Variants in IRX2 observed in about 807,000 individuals in gnomAD.
The protein encoded by IRX2 is iroquois homeobox 2.
IRX2 carries 26 observed loss-of-function variants against 42.9 expected under a neutral mutation model. That is an observed-to-expected ratio of 0.61 (90% CI 0.44 to 0.84). The LOEUF is 0.84. Among genes scored for constraint, IRX2 ranks in the 40% least tolerant of loss-of-function variants. The probability of loss-of-function intolerance (pLI) is 0.00; values close to 1 mark genes in which losing one functional copy is unlikely to be tolerated. For missense variants in IRX2, 782 were observed against 713.9 expected (o/e 1.10, Z -1.09); for synonymous variants, 424 against 353.9 (o/e 1.20, Z -2.22).
chr5:2,749,700 T>C lies in IRX2; in HGVS notation c.337A>G (p.Asn113Asp), dbSNP rs777655295. 2 of 1,614,102 alleles carry C rather than the reference T, an allele frequency of 1.2e-6. No individual in the cohort carries two copies. Among genetic ancestry groups the C allele is most frequent in the Non-Finnish European group, 1.7e-6 (2 of 1,180,002 alleles). Residue 113 changes from asparagine to aspartate, a missense_variant, in exon 2 of 4, where the codon AAC (asparagine) becomes GAC (aspartate). Coordinates refer to ENST00000302057, the MANE Select transcript of IRX2 (RefSeq NM_033267.5). ...GCGTTCTTGCGGTACGCGGGGTCGT[T>C]GAGCTGGTACGGGTAGGCCGCGCTG... ...YGSAAYPYQL[N>D]DPAYRKNATR... is the part of the protein sequence containing the mutation.
chr5:2,739,917 G>A, the IRX2 span, among the ~76,000 whole-genome samples: 2 of 152,152 alleles, frequency 1.3e-5, no homozygotes, highest in Non-Finnish European at 2.9e-5. Context: ...CGGGGTATAG[G>A]GTAGGACCAG....
At chr5:2,739,774 G>A in the IRX2 span, among the ~76,000 whole-genome samples, 12 of 152,326 alleles carry the variant, frequency 7.9e-5, no homozygotes, top group African/African-American at 2.4e-4. Flanking sequence ...GCCAGGGAGC[G>A]AGGCGAGCAC....
At chr5:2,741,903 A>C (rs1055299), downstream of IRX2, among the ~76,000 whole-genome samples, 112,392 of 152,194 alleles carry the variant, frequency 0.74, 42,362 homozygotes, top group South Asian at 0.82. Context: ...AAACAAACAA[A>C]AAAAATTCTT....
At chr5:2,741,972 T>C (rs1484867136), downstream of IRX2, among the ~76,000 whole-genome samples, 1 of 152,272 alleles carries the variant, frequency 6.6e-6, no homozygotes, top group Non-Finnish European at 1.5e-5. Flanking sequence ...CCTTTCTTCA[T>C]TGTATTAGCA....
the IRX2 span, chr5:2,737,033 T>C: frequency 6.6e-6 from 1 of 152,106 alleles, no homozygotes; most frequent in Non-Finnish European, 1.5e-5. Context: ...CCATCTCCGG[T>C]GGATAGATGG....
chr5:2,748,817 G>T lies in IRX2; in HGVS notation c.891C>A (p.Ser297Arg), dbSNP rs764393112. 8 of 1,508,608 alleles carry T rather than the reference G, an allele frequency of 5.3e-6. No homozygotes were observed. The highest frequency in any genetic ancestry group is 7.0e-6 in the Non-Finnish European group (8 of 1,137,956). 93.5% of individuals were successfully genotyped at this position (1,508,608 alleles called of 1,614,324 possible). Residue 297 changes from serine (S) to arginine (R), a missense_variant, in exon 3 of 4, where the codon AGC becomes AGA. Around this residue, in one of 3 missense-constraint regions of IRX2, gnomAD observed 520 missense variants for 437.8 expected, o/e 1.19. Transcript: ENST00000302057. ...PLTGLEAPLL[S>R]PPPEAAPRGG... ...CGCGGGGCGCGGCCTCGGGCGGGGG[G>T]CTCAGCAGCGGCGCCTCCAAGCCGG...
chr5:2,745,182 T>C (rs887028265), downstream of IRX2, among the ~76,000 whole-genome samples: 1 of 151,984 alleles, frequency 6.6e-6, no homozygotes, highest in African/African-American at 2.4e-5. Context: ...ATCCCAGACC[T>C]CCCCCGCTGG....
chr5:2,740,290 C>T, the IRX2 span, among the ~76,000 whole-genome samples: 1 of 151,720 alleles, frequency 6.6e-6, no homozygotes, highest in African/African-American at 2.4e-5. Flanking sequence ...GGCTCCCAGC[C>T]ACCACCTTGG....
At chr5:2,749,273 C>A (rs1737830376) in intron 2 of IRX2, 109 bp downstream of exon 2, 4 of 1,473,660 alleles carry the variant, frequency 2.7e-6, no homozygotes, top group Non-Finnish European at 3.6e-6. Context: ...GGCTGGGGCT[C>A]CGGCCCGGAC....
chr5:2,747,658 C>A (rs888996906), intron 3 of IRX2, 42 bp from the exon 4 acceptor site: 3 of 1,603,726 alleles, frequency 1.9e-6, no homozygotes, highest in Admixed American at 3.3e-5. Flanking sequence ...GACCCCACAG[C>A]CTGCTGGCTG....
At chr5:2,742,126 T>C (rs191411076), downstream of IRX2, among the ~76,000 whole-genome samples, 1 of 152,338 alleles carries the variant, frequency 6.6e-6, no homozygotes, top group South Asian at 2.1e-4. Flanking sequence ...CACATCCATC[T>C]GTTTCTAGGG....
At position 2,748,897 on chromosome 5, in the gene IRX2, C is replaced by T. The variant is rs111614286; in HGVS notation, c.811G>A (p.Glu271Lys). 1 of 1,595,986 alleles carries T rather than the reference C, an allele frequency of 6.3e-7. No individual in the cohort carries two copies. Among genetic ancestry groups the T allele is most frequent in the South Asian group, 1.1e-5 (1 of 90,576 alleles). The change falls in exon 3 of 4, where the codon GAG (glutamate) becomes AAG (lysine). Residue 271 changes from glutamate (E) to lysine (K), a missense_variant. Physicochemically the swap from Glu to Lys is moderately conservative, Grantham distance 56. Coordinates refer to ENST00000302057, the MANE Select transcript of IRX2 (RefSeq NM_033267.5). ...DDLEDDEDDD[E>K]EGERGLAPPK... ...GGCGCCAGGCCCCGCTCGCCCTCCTCGTCGTCGTCCTCGTCGTCCTCCAGG... is the reference window on the plus strand; with the variant it reads ...GGCGCCAGGCCCCGCTCGCCCTCCTTGTCGTCGTCCTCGTCGTCCTCCAGG...
intron 2 of IRX2, 29 bp from the exon 3 acceptor site, chr5:2,749,081 AC>A (rs1430166045): frequency 6.3e-7 from 1 of 1,589,512 alleles, no homozygotes; most frequent in Non-Finnish European, 8.5e-7. Context: ...GGTGGGTGGC[AC>A]GAGGGGACAG....
chr5:2,749,008 C>A lies in IRX2; in HGVS notation c.700G>T (p.Ala234Ser). 6.3e-7 allele frequency: 1 copy of A among 1,597,274 alleles called. No homozygotes were observed. Among genetic ancestry groups the A allele is most frequent in the Non-Finnish European group, 8.5e-7 (1 of 1,179,354 alleles). ...GGAAGCTTCTCCCCGTCCGACTCGG[C>A]CGAGCACGAGTGATCCGTGAGCGAG... ...VDSLTDHSCS[A>S]ESDGEKLPCR... The change falls in exon 3 of 4, where the codon GCC (alanine) becomes TCC (serine). Residue 234 changes from alanine (A) to serine (S), a missense_variant. Physicochemically the swap from Ala to Ser is moderately conservative, Grantham distance 99. This residue lies in a region of IRX2 where 520 missense variants were observed against 437.8 expected (regional missense o/e 1.19). Coordinates refer to ENST00000302057, the MANE Select transcript of IRX2 (RefSeq NM_033267.5).
intron 3 of IRX2, 88 bp downstream of exon 3, chr5:2,748,257 G>A: frequency 8.2e-7 from 1 of 1,225,158 alleles, no homozygotes; most frequent in Non-Finnish European, 1.1e-6. Flanking sequence ...CTTCTTCCCG[G>A]ACCCTCCCTC....
chr5:2,735,810 T>C, the IRX2 span, among the ~76,000 whole-genome samples: 1 of 152,180 alleles, frequency 6.6e-6, no homozygotes, highest in South Asian at 2.1e-4. Flanking sequence ...GATAAGATGC[T>C]CACCAGCAAC....
At chr5:2,735,989 C>G in the IRX2 span, among the ~76,000 whole-genome samples, 1 of 152,206 alleles carries the variant, frequency 6.6e-6, no homozygotes, top group African/African-American at 2.4e-5. Context: ...CCCTTCTCCA[C>G]GTGGCCCTTT....
At position 2,747,549 on chromosome 5, in the gene IRX2, C is replaced by T; in HGVS notation, c.*15G>A. ...CCAGGGTGCCCACTTACTTGCATTG[C>T]TGTGCTCGGCCCTTCTATAGGTAGG... On this transcript the variant is annotated 3_prime_UTR_variant, in exon 4 of 4. Coordinates refer to ENST00000302057, the MANE Select transcript of IRX2 (RefSeq NM_033267.5). 1.2e-6 allele frequency: 2 copies of T among 1,613,230 alleles called. No individual in the cohort carries two copies. The highest frequency in any genetic ancestry group is 1.7e-6 in the Non-Finnish European group (2 of 1,179,158).
intron 1 of IRX2, among the ~76,000 whole-genome samples, chr5:2,750,056 G>C (rs1481879269): frequency 6.6e-6 from 1 of 152,128 alleles, no homozygotes; most frequent in Non-Finnish European, 1.5e-5. Flanking sequence ...TTCCGGAGCC[G>C]CTCGTGGCAA....
Sources: allele counts gnomAD v4.1 joint callset (sites outside exome capture counted in the v4.1 genomes callset), GRCh38; gene constraint gnomAD v4.1.1; regional missense constraint gnomAD v4.1.1; transcripts MANE v1.5; gene names NCBI Gene and HGNC (gene_info 2026-07-23, HGNC 2026-07-21).